The following MGAT4D variants were observed in gnomAD, a reference collection of about 807,000 sequenced individuals.
The protein encoded by MGAT4D is alpha-1,3-mannosyl-glycoprotein 4-beta-N-acetylglucosaminyltransferase-like protein MGAT4D.
MGAT4D carries 34 observed loss-of-function variants against 15.9 expected under a neutral mutation model. The observed-to-expected ratio is 2.14, with a 90% CI of 1.62 to 2.84. MGAT4D has a LOEUF of 2.84. Among genes scored for constraint, MGAT4D ranks in the 30% most tolerant of loss-of-function variants. The pLI is 0.00. For missense variants in MGAT4D, 327 were observed against 140.2 expected (o/e 2.33, Z -6.73); for synonymous variants, 112 against 48.2 (o/e 2.33, Z -5.49).
At chr4:140,444,846 CT>C (rs1315279244) in intron 10 of MGAT4D, among the ~76,000 whole-genome samples, 1 of 149,818 alleles carries the variant, frequency 6.7e-6, no homozygotes, top group East Asian at 1.9e-4. Flanking sequence ...TATAAGTGTT[CT>C]TTTTTCTCTG....
chr4:140,462,034 T>C, intron 6 of MGAT4D, 30 bp from the exon 7 acceptor site: 1 of 691,354 alleles, frequency 1.4e-6, no homozygotes, highest in East Asian at 2.7e-5. Context: ...TCTGTTAATA[T>C]TTGTCATTAT....
intron 5 of MGAT4D, among the ~76,000 whole-genome samples, chr4:140,468,066 CTATTA>C (rs1379997789): frequency 1.3e-5 from 2 of 149,834 alleles, no homozygotes; most frequent in East Asian, 3.9e-4. Flanking sequence ...TTAAATTATT[CTATTA>C]TAATTTAATA....
chr4:140,458,517 A>G (rs1009544429), intron 8 of MGAT4D: 9 of 152,238 alleles, frequency 5.9e-5, no homozygotes. Flanking sequence ...TAAAAAAATT[A>G]AAAGCAGGTT....
At chr4:140,462,508 A>G (rs1027390718) in intron 6 of MGAT4D, 2 of 152,300 alleles carry the variant, frequency 1.3e-5, no homozygotes, top group Non-Finnish European at 2.9e-5. Flanking sequence ...TTACTTGGAA[A>G]GGAAAGGTGG....
chr4:140,478,362 G>T (rs540977513), intron 3 of MGAT4D, among the ~76,000 whole-genome samples: 1 of 152,152 alleles, frequency 6.6e-6, no homozygotes, highest in African/African-American at 2.4e-5. Context: ...GTTTATTCTT[G>T]GTGTCTAATA....
In MGAT4D at chr4:140,462,012, T is replaced by C; in HGVS notation, c.687-8A>G. 2.9e-6 allele frequency: 2 copies of C among 700,076 alleles called. No homozygotes were observed. Among genetic ancestry groups the C allele is most frequent in the Non-Finnish European group, 5.2e-6 (2 of 383,548 alleles). 43.4% of individuals were successfully genotyped at this position (700,076 alleles called of 1,614,324 possible). On this transcript the variant is annotated splice_polypyrimidine_tract_variant and splice_region_variant and intron_variant, in intron 6 of 10. Transcript: ENST00000511113. Reference sequence around the variant, plus strand: ...ACCTGTTTGATTCGCCAACTAAAGGTAATCAATAAGATCTGTTAATATTTG... The same window carrying C: ...ACCTGTTTGATTCGCCAACTAAAGGCAATCAATAAGATCTGTTAATATTTG...
At chr4:140,470,588 G>T (rs771395804) in intron 5 of MGAT4D, among the ~76,000 whole-genome samples, 2 of 152,056 alleles carry the variant, frequency 1.3e-5, no homozygotes, top group Non-Finnish European at 2.9e-5. Context: ...CAGTCCTTCC[G>T]CCTTAACTCC....
intron 1 of MGAT4D, among the ~76,000 whole-genome samples, chr4:140,489,093 C>T (rs768970565): frequency 7.2e-5 from 11 of 152,016 alleles, no homozygotes; most frequent in Non-Finnish European, 1.3e-4. Context: ...TCATGGGGAA[C>T]GTACGTAAGT....
rs553634941 is a variant in MGAT4D at position 140,467,250 on chromosome 4, G to GA, written c.573-2242dup. On this transcript the variant is annotated intron_variant, in intron 5 of 10. Coordinates refer to ENST00000511113, the MANE Select transcript of MGAT4D (RefSeq NM_001277353.2). ...TTGGGGAATAGAAAATACTGGCGTA[G>GA]AAAAAAAAAGAATGGAGAGTTTGGT... 3.8e-3 allele frequency among the ~76,000 whole-genome samples: 578 copies of GA among 150,444 alleles called. 2 individuals carry two copies. Among genetic ancestry groups the GA allele is most frequent in the Non-Finnish European group, 5.9e-3 (396 of 67,464 alleles).
At chr4:140,492,148 G>C (rs1370734572) in intron 1 of MGAT4D, among the ~76,000 whole-genome samples, 1 of 152,100 alleles carries the variant, frequency 6.6e-6, no homozygotes, top group African/African-American at 2.4e-5. Flanking sequence ...TTGCCTTGTG[G>C]GGGGGAAAAT....
chr4:140,471,231 C>T (rs1167129588), intron 5 of MGAT4D, among the ~76,000 whole-genome samples: 3 of 60,704 alleles, frequency 4.9e-5, no homozygotes, highest in South Asian at 6.4e-4. Flanking sequence ...TTTTTGTTTC[C>T]TTCCTTCCTT....
rs1730467367 is a variant in MGAT4D, at chr4:140,451,430, T to C, written c.1096A>G (p.Arg366Gly). 3.3e-6 allele frequency: 2 copies of C among 610,310 alleles called. No homozygotes were observed. Among genetic ancestry groups the C allele is most frequent in the Admixed American group, 2.4e-5 (1 of 41,256 alleles). The allele number at this position is 610,310 out of a possible 1,614,324, so 37.8% of individuals were successfully genotyped here. A position where few individuals can be genotyped will look rare whatever the true frequency, so the allele number is the denominator to read the frequency against. Residue 366 changes from arginine (R) to glycine (G), a missense_variant, in exon 10 of 11, where the codon AGA (arginine) becomes GGA (glycine). Coordinates refer to ENST00000511113, the MANE Select transcript of MGAT4D (RefSeq NM_001277353.2). ...CTTACTTTTTCATATTGTTCTTTTC[T>C]AGGGAATGATGAATGTATACCCACA... ...QHVGIHSSFP[R>G]KEQYEKKI
chr4:140,482,262 A>C (rs1732784416), intron 2 of MGAT4D, 65 bp downstream of exon 2: 2 of 563,486 alleles, frequency 3.5e-6, no homozygotes, highest in Admixed American at 3.7e-5. Context: ...AAGAGGCCCT[A>C]AAATCATAAG....
chr4:140,472,942 T>G (rs531082283), intron 4 of MGAT4D, among the ~76,000 whole-genome samples: 25 of 151,966 alleles, frequency 1.6e-4, no homozygotes, highest in Non-Finnish European at 3.2e-4. Flanking sequence ...CTGTTTCGAG[T>G]TTTTTCTGCA....
chr4:140,491,841 G>C (rs539178906), intron 1 of MGAT4D, among the ~76,000 whole-genome samples: 3 of 152,230 alleles, frequency 2.0e-5, no homozygotes, highest in East Asian at 3.9e-4. Context: ...TGTCATGGAA[G>C]AAAACCTCTG....
intron 1 of MGAT4D, among the ~76,000 whole-genome samples, chr4:140,490,410 G>A (rs1733424359): frequency 6.6e-6 from 1 of 152,308 alleles, no homozygotes; most frequent in Middle Eastern, 3.4e-3. Context: ...CCTGGGACGT[G>A]ACCAGAACCT....
intron 9 of MGAT4D, among the ~76,000 whole-genome samples, chr4:140,455,024 A>G (rs1022510037): frequency 4.6e-5 from 7 of 151,936 alleles, no homozygotes; most frequent in Non-Finnish European, 2.9e-5. Context: ...TTAAAAAATT[A>G]CCTTTTGGTT....
intron 10 of MGAT4D, among the ~76,000 whole-genome samples, chr4:140,446,743 G>T (rs1383059821): frequency 2.4e-4 from 2 of 8,168 alleles, no homozygotes; most frequent in Admixed American, 1.6e-3. Context: ...TGCTTCTCTA[G>T]TTTTTTTTTT....
Position 140,478,525 on chromosome 4 carries a change from A to T in MGAT4D, c.391+965T>A, listed in dbSNP as rs73856646. On this transcript the variant is annotated intron_variant, in intron 3 of 10. Transcript: ENST00000511113. ...TATACAGGTAAAGAGTTTTACAAGTATGAACTCAAGAAGTTTCTTAATTTC... is the reference window on the plus strand; with the variant it reads ...TATACAGGTAAAGAGTTTTACAAGTTTGAACTCAAGAAGTTTCTTAATTTC... Among the ~76,000 whole-genome samples the T allele has an allele frequency of 6.5e-3, 997 of 152,346 alleles. 15 individuals carry two copies. Among genetic ancestry groups the T allele is most frequent in the African/African-American group, 0.022 (926 of 41,572 alleles).
Sources: gnomAD v4.1 joint callset for allele counts (sites outside exome capture counted in the v4.1 genomes callset) on GRCh38, gnomAD v4.1.1 for gene constraint, MANE v1.5 for transcripts, NCBI Gene and HGNC (gene_info 2026-07-23, HGNC 2026-07-21) for gene names.